Variants in NDUFV2 observed in about 807,000 individuals in gnomAD.
NDUFV2 encodes the protein NADH dehydrogenase [ubiquinone] flavoprotein 2, mitochondrial.
Under a neutral mutation model 31.6 loss-of-function variants are expected in NDUFV2, and 18 were observed. That is an observed-to-expected ratio of 0.57 (90% CI 0.39 to 0.84). The LOEUF is 0.84. Among genes scored for constraint, NDUFV2 ranks in the 40% least tolerant of loss-of-function variants. The pLI is 0.00. For synonymous variants in NDUFV2, 83 were observed against 99.8 expected (o/e 0.83, Z 1.01); for missense variants, 314 against 303.6 (o/e 1.03, Z -0.26).
intron 6 of NDUFV2, among the ~76,000 whole-genome samples, chr18:9,126,268 C>T (rs2077989892): frequency 6.6e-6 from 1 of 152,198 alleles, no homozygotes; most frequent in Non-Finnish European, 1.5e-5. Flanking sequence ...TTGTACCTTA[C>T]TGTTTCTTCA....
chr18:9,102,807 C>G lies in NDUFV2; in HGVS notation c.54+10C>G, dbSNP rs746301773. ...CCTCACCGCCCACTGGGTAAGGAGG[C>G]TCAAGCTGAGCCCGGCGCTGCCGCC... On this transcript the variant is annotated intron_variant, in intron 1 of 7. Transcript: ENST00000318388. 1.3e-6 allele frequency: 2 copies of G among 1,559,100 alleles called. No homozygotes were observed. The highest frequency in any genetic ancestry group is 1.9e-5 in the Admixed American group (1 of 52,282).
Position 9,131,739 on chromosome 18 carries a change from C to T in NDUFV2, c.657-2447C>T, listed in dbSNP as rs532814006. Among the ~76,000 whole-genome samples the T allele has an allele frequency of 7.2e-5, 11 of 152,176 alleles. No individual in the cohort carries two copies. The South Asian group carries it at 1.7e-3, about 23-fold the overall frequency. On this transcript the variant is annotated intron_variant, in intron 7 of 7. Transcript: ENST00000318388. ...CAAATAAGTTAAAATGGTACACATA[C>T]GTATAGTGTTGGAATGACTGACGAA...
In NDUFV2 at chr18:9,106,534, A is replaced by G. The variant is rs1014048665; in HGVS notation, c.54+3737A>G. Among the ~76,000 whole-genome samples the G allele has an allele frequency of 3.9e-5, 6 of 152,288 alleles. No individual in the cohort carries two copies. In the South Asian group the frequency reaches 1.0e-3, roughly 26 times the overall value. On this transcript the variant is annotated intron_variant, in intron 1 of 7. Coordinates refer to ENST00000318388, the MANE Select transcript of NDUFV2 (RefSeq NM_021074.5). ...TTTTGTACAATGAAATGTTTTCCCC[A>G]TTCCATTAGAGATTCTTAAACTTGA... is the stretch of plus-strand genomic sequence containing the variant.
intron 2 of NDUFV2, 65 bp downstream of exon 2, chr18:9,117,968 A>G (rs1309219115): frequency 9.5e-7 from 1 of 1,055,222 alleles, no homozygotes; most frequent in Non-Finnish European, 1.5e-6. Flanking sequence ...TCCATTGTAA[A>G]AATCCAAAAT....
chr18:9,113,556 T>C (rs1217532966), intron 1 of NDUFV2, among the ~76,000 whole-genome samples: 1 of 152,126 alleles, frequency 6.6e-6, no homozygotes, highest in Non-Finnish European at 1.5e-5. Flanking sequence ...CCACCCCTCA[T>C]ATTGTCTTAT....
chr18:9,123,311 A>T (rs910529165), intron 5 of NDUFV2, among the ~76,000 whole-genome samples: 2 of 152,130 alleles, frequency 1.3e-5, no homozygotes, highest in Non-Finnish European at 2.9e-5. Context: ...AAGTTGGCTC[A>T]AACCCCCCCA....
At chr18:9,118,108 A>T (rs2077908265) in intron 2 of NDUFV2, among the ~76,000 whole-genome samples, 1 of 152,174 alleles carries the variant, frequency 6.6e-6, no homozygotes, top group African/African-American at 2.4e-5. Flanking sequence ...GTATCAGGAA[A>T]ACTCTGGGAA....
chr18:9,104,016 C>CT, intron 1 of NDUFV2: 1 of 798,434 alleles, frequency 1.3e-6, no homozygotes, highest in Non-Finnish European at 1.9e-6. Flanking sequence ...GTAAGAGGAA[C>CT]TTTAAGGTTG....
At chr18:9,104,837 C>A in intron 1 of NDUFV2, 1 of 1,195,546 alleles carries the variant, frequency 8.4e-7, no homozygotes, top group Non-Finnish European at 1.1e-6. Flanking sequence ...GTAGAAAAAA[C>A]AATACTGAGA....
intron 7 of NDUFV2, among the ~76,000 whole-genome samples, chr18:9,130,755 C>G (rs1812160077): frequency 1.3e-5 from 2 of 152,112 alleles, no homozygotes; most frequent in Admixed American, 6.5e-5. Flanking sequence ...TTGTGCGTCT[C>G]TGTAATGAAA....
chr18:9,119,929 T>C (rs1455204426), intron 4 of NDUFV2, among the ~76,000 whole-genome samples: 1 of 152,124 alleles, frequency 6.6e-6, no homozygotes, highest in Non-Finnish European at 1.5e-5. Context: ...ATTTAAACAC[T>C]AGAATTACAG....
At chr18:9,124,194 GTT>G (rs754313896) in intron 5 of NDUFV2, among the ~76,000 whole-genome samples, 2 of 133,596 alleles carry the variant, frequency 1.5e-5, no homozygotes, top group Non-Finnish European at 1.6e-5. Flanking sequence ...TTTTTTTTTT[GTT>G]TTTTTTTTTT....
At chr18:9,131,925 G>C (rs1274002234) in intron 7 of NDUFV2, among the ~76,000 whole-genome samples, 1 of 152,174 alleles carries the variant, frequency 6.6e-6, no homozygotes, top group Non-Finnish European at 1.5e-5. Flanking sequence ...TGAGTGTTCT[G>C]AGGCATGTTT....
intron 1 of NDUFV2, among the ~76,000 whole-genome samples, chr18:9,113,677 G>C (rs768225476): frequency 9.2e-5 from 14 of 152,204 alleles, no homozygotes; most frequent in Non-Finnish European, 1.5e-4. Flanking sequence ...ATCAACCCCT[G>C]ACCTAATTGG....
chr18:9,124,980 C>T lies in NDUFV2; in HGVS notation c.576C>T (p.Tyr192=), dbSNP rs748030541. ...NAPMVQINDN[Y]YEDLTAKDIE... is the part of the protein sequence containing the mutation. The stretch of plus-strand genomic sequence containing the variant: ...CAATGGTTCAAATAAATGACAATTA[C>T]TATGTGAGTATTTCAGGTAATACAA... Residue 192 remains tyrosine, a synonymous_variant, in exon 6 of 8, where the codon TAC becomes TAT. Transcript: ENST00000318388. 6.2e-7 allele frequency: 1 copy of T among 1,612,964 alleles called. No homozygotes were observed. Among genetic ancestry groups the T allele is most frequent in the Non-Finnish European group, 8.5e-7 (1 of 1,179,262 alleles).
intron 1 of NDUFV2, among the ~76,000 whole-genome samples, chr18:9,110,129 G>A (rs112120048): frequency 0.01 from 1,574 of 152,258 alleles, 36 homozygotes; most frequent in African/African-American, 0.036. Context: ...TCAAAGAAGG[G>A]GGTGGGTGGG....
intron 1 of NDUFV2, among the ~76,000 whole-genome samples, chr18:9,111,092 T>A (rs991041398): frequency 2.0e-5 from 3 of 152,198 alleles, no homozygotes; most frequent in Non-Finnish European, 2.9e-5. Flanking sequence ...AACTCCTTGG[T>A]TTCTTAGACC....
At chr18:9,124,183 G>GTTTTTTT (rs58787138) in intron 5 of NDUFV2, among the ~76,000 whole-genome samples, 1 of 144,472 alleles carries the variant, frequency 6.9e-6, no homozygotes. Flanking sequence ...ATTACATAGA[G>GTTTTTTT]TTTTTTTTTT....
chr18:9,133,709 TC>T (rs1429482750), intron 7 of NDUFV2, among the ~76,000 whole-genome samples: 4 of 152,226 alleles, frequency 2.6e-5, no homozygotes, highest in African/African-American at 9.6e-5. Flanking sequence ...TGGATCTTGA[TC>T]TAAATAAAAT....
Sources: allele counts gnomAD v4.1 joint callset (sites outside exome capture counted in the v4.1 genomes callset), GRCh38; gene constraint gnomAD v4.1.1; transcripts MANE v1.5; gene names NCBI Gene and HGNC (gene_info 2026-07-23, HGNC 2026-07-21).